The following PRUNE2 variants were observed in gnomAD, a reference collection of about 807,000 sequenced individuals.
The protein encoded by PRUNE2 is prune homolog 2 with BCH domain.
Under a neutral mutation model 252.0 loss-of-function variants are expected in PRUNE2, and 164 were observed. The observed-to-expected ratio is 0.65, with a 90% confidence interval of 0.57 to 0.74. PRUNE2 has a LOEUF of 0.74. Among genes scored for constraint, PRUNE2 ranks in the 30% least tolerant of loss-of-function variants. PRUNE2 has a pLI of 0.00. For missense variants in PRUNE2, 3,495 were observed against 3,711.0 expected (o/e 0.94, Z 1.51); for synonymous variants, 1,292 against 1,350.2 (o/e 0.96, Z 0.94).
In PRUNE2 at chr9:76,703,503, G is replaced by A. The variant is rs760731995; in HGVS notation, c.8110C>T (p.Arg2704Ter). 23 of 1,613,610 alleles carry A rather than the reference G, an allele frequency of 1.4e-5. No homozygotes were observed. The highest frequency in any genetic ancestry group is 1.9e-5 in the Non-Finnish European group (22 of 1,179,848). The change falls in exon 9 of 19, where the codon CGA becomes TGA. Residue 2704 changes from arginine to a stop codon, truncating the protein, a stop_gained. Coordinates refer to ENST00000376718, the MANE Select transcript of PRUNE2 (RefSeq NM_015225.3). LOFTEE classifies it high-confidence loss of function. ...PVSQSQKSKS[R>*]GRAGPDAVTL... ...ACTGCATCCGGGCCAGCCCTGCCTC[G>A]GCTCTTACTCTTCTGTGATTGGCTG...
chr9:76,778,766 C>G (rs2054066092), intron 6 of PRUNE2: 1 of 152,164 alleles, frequency 6.6e-6, no homozygotes, highest in South Asian at 2.1e-4. Flanking sequence ...TAGAACAATG[C>G]CCAGATTAGT....
At chr9:76,640,103 T>C (rs1841927125) in intron 12 of PRUNE2, among the ~76,000 whole-genome samples, 2 of 152,222 alleles carry the variant, frequency 1.3e-5, no homozygotes, top group Admixed American at 6.5e-5. Flanking sequence ...AGTTTTGGAC[T>C]GTTGAATCAT....
chr9:76,887,340 T>A (rs1318763540), intron 1 of PRUNE2, among the ~76,000 whole-genome samples: 1 of 152,132 alleles, frequency 6.6e-6, no homozygotes, highest in East Asian at 1.9e-4. Flanking sequence ...TTTTAAGGTT[T>A]TTAATTGGTC....
intron 12 of PRUNE2, among the ~76,000 whole-genome samples, chr9:76,640,442 A>C (rs1842078799): frequency 6.6e-6 from 1 of 152,188 alleles, no homozygotes; most frequent in South Asian, 2.1e-4. Context: ...TTATACTACA[A>C]GTGGTGATAC....
In PRUNE2 at chr9:76,846,644, C is replaced by T. The variant is rs1266112022; in HGVS notation, c.379G>A (p.Val127Ile). 1.2e-6 allele frequency: 2 copies of T among 1,613,966 alleles called. No homozygotes were observed. The highest frequency in any genetic ancestry group is 1.1e-5 in the South Asian group (1 of 91,082). The change falls in exon 4 of 19, where the codon GTC (valine) becomes ATC (isoleucine). Residue 127 changes from valine (V) to isoleucine (I), a missense_variant. Coordinates refer to ENST00000376718, the MANE Select transcript of PRUNE2 (RefSeq NM_015225.3). ...DKTLESAVVK[V>I]INPVEQSDAN... Reference sequence around the variant, plus strand: ...TCGCTCTGCTCAACCGGATTAATGACTTTGACAACTGCTGATTCTAAAGTT... The same window carrying T: ...TCGCTCTGCTCAACCGGATTAATGATTTTGACAACTGCTGATTCTAAAGTT...
chr9:76,787,770 T>C (rs1564305079), intron 6 of PRUNE2, among the ~76,000 whole-genome samples: 1 of 152,192 alleles, frequency 6.6e-6, no homozygotes, highest in Non-Finnish European at 1.5e-5. Context: ...GATGCTTTCA[T>C]GGTCACTAGA....
chr9:76,681,450 T>TAAA (rs3048258), intron 9 of PRUNE2, among the ~76,000 whole-genome samples: 89 of 132,834 alleles, frequency 6.7e-4, no homozygotes, highest in Middle Eastern at 4.0e-3. Flanking sequence ...TTACCACGAT[T>TAAA]AAAAAAAAAA....
intron 6 of PRUNE2, among the ~76,000 whole-genome samples, chr9:76,752,128 C>G (rs1389322685): frequency 2.7e-5 from 4 of 147,966 alleles, no homozygotes; most frequent in Non-Finnish European, 4.5e-5. Context: ...GACGGAGTCT[C>G]ACTCTGTCGC....
At chr9:76,735,105 A>C (rs2048962815) in intron 6 of PRUNE2, among the ~76,000 whole-genome samples, 1 of 152,206 alleles carries the variant, frequency 6.6e-6, no homozygotes, top group South Asian at 2.1e-4. Flanking sequence ...AAGGGGTGGA[A>C]AAAAGGCAAG....
intron 6 of PRUNE2, among the ~76,000 whole-genome samples, chr9:76,718,499 T>C (rs2047353530): frequency 6.6e-6 from 1 of 152,196 alleles, no homozygotes; most frequent in African/African-American, 2.4e-5. Context: ...TCTACAGTAT[T>C]CCATGAGATT....
intron 1 of PRUNE2, among the ~76,000 whole-genome samples, chr9:76,864,650 T>C (rs2060736905): frequency 1.3e-5 from 2 of 152,194 alleles, no homozygotes; most frequent in Admixed American, 1.3e-4. Flanking sequence ...AAGGGCAATA[T>C]TTCTGACACA....
chr9:76,653,626 T>C (rs1848217594), intron 10 of PRUNE2, among the ~76,000 whole-genome samples: 1 of 152,308 alleles, frequency 6.6e-6, no homozygotes, highest in Non-Finnish European at 1.5e-5. Context: ...TTTGCTCCTA[T>C]GGAATGTACG....
intron 1 of PRUNE2, chr9:76,861,989 A>G (rs1479309916): frequency 6.6e-6 from 1 of 152,038 alleles, no homozygotes; most frequent in African/African-American, 2.4e-5. Context: ...CAGTCATCCC[A>G]CTGTTGTGGG....
intron 9 of PRUNE2, among the ~76,000 whole-genome samples, chr9:76,675,930 T>C (rs7866822): frequency 3.3e-5 from 4 of 121,146 alleles, no homozygotes; most frequent in Non-Finnish European, 6.9e-5. Context: ...TGGAGGGAGG[T>C]GGGAGGGATA....
At chr9:76,857,316 C>T (rs779723862) in intron 1 of PRUNE2, among the ~76,000 whole-genome samples, 15 of 152,022 alleles carry the variant, frequency 9.9e-5, no homozygotes, top group Non-Finnish European at 2.1e-4. Context: ...CCAATGAGTA[C>T]TCCTGAGTTA....
rs569707994 is a variant in PRUNE2 at position 76,703,760 on chromosome 9, C to T, written c.7853G>A (p.Ser2618Asn). The change falls in exon 9 of 19, where the codon AGC becomes AAC. Residue 2618 changes from serine to asparagine, a missense_variant. Physicochemically the swap from Ser to Asn is conservative, Grantham distance 46 (BLOSUM62 1). Coordinates refer to ENST00000376718, the MANE Select transcript of PRUNE2 (RefSeq NM_015225.3). Reference protein sequence around the residue: ...GLSAEKMSSKSDTRSSFESPA... With the variant: ...GLSAEKMSSKNDTRSSFESPA... ...GCTTTCAAAAGATGATCTCGTATCG[C>T]TTTTAGAAGACATTTTCTCTGCAGA... is the stretch of plus-strand genomic sequence containing the variant. 1 of 1,613,696 alleles carries T rather than the reference C, an allele frequency of 6.2e-7. No individual in the cohort carries two copies. Among genetic ancestry groups the T allele is most frequent in the South Asian group, 1.1e-5 (1 of 91,064 alleles).
chr9:76,625,653 T>C (rs1259809320), intron 16 of PRUNE2, among the ~76,000 whole-genome samples: 4 of 152,230 alleles, frequency 2.6e-5, no homozygotes, highest in Non-Finnish European at 4.4e-5. Flanking sequence ...CATGTATTTA[T>C]AAACACAAAA....
chr9:76,682,648 C>T (rs79405123), intron 9 of PRUNE2, among the ~76,000 whole-genome samples: 14,302 of 152,056 alleles, frequency 0.094, 868 homozygotes, highest in African/African-American at 0.17. Context: ...GGATTATGGG[C>T]GTGAGCCACT....
chr9:76,615,969 CCT>C (rs1199763576), intron 18 of PRUNE2, among the ~76,000 whole-genome samples: 12 of 152,030 alleles, frequency 7.9e-5, no homozygotes, highest in African/African-American at 2.9e-4. Context: ...GGGGTTTCAC[CCT>C]GTTGGCCAGG....
Sources: allele counts gnomAD v4.1 joint callset (sites outside exome capture counted in the v4.1 genomes callset), GRCh38; gene constraint gnomAD v4.1.1; transcripts MANE v1.5; gene names NCBI Gene and HGNC (gene_info 2026-07-23, HGNC 2026-07-21).